The following SHROOM3 variants were observed in gnomAD, a reference collection of about 807,000 sequenced individuals.
The protein encoded by SHROOM3 is protein Shroom3.
In SHROOM3, 47 loss-of-function variants were observed where a neutral mutation model predicts 138.6. The ratio of observed to expected loss-of-function variants is 0.34; its 90% CI spans 0.27 to 0.43. SHROOM3 has a LOEUF of 0.43. SHROOM3 is among the 20% of genes least tolerant of loss of function. The pLI is 1.00. For missense variants in SHROOM3, 2,491 were observed against 2,596.5 expected (o/e 0.96, Z 0.88); for synonymous variants, 1,062 against 1,063.3 (o/e 1.00, Z 0.02).
chr4:76,709,986 T>C (rs1274102262), intron 2 of SHROOM3, 170 bp from the exon 3 acceptor site: 10 of 718,084 alleles, frequency 1.4e-5, no homozygotes, highest in Non-Finnish European at 2.4e-5. Flanking sequence ...TTCGCCTTCG[T>C]AGGGCAGAGA....
At chr4:76,436,288 A>T in intron 1 of SHROOM3, 68 bp downstream of exon 1, 1 of 1,548,840 alleles carries the variant, frequency 6.5e-7, no homozygotes, top group African/African-American at 1.4e-5. Context: ...TTTGTCAAAA[A>T]TGCAAAATAA....
intron 6 of SHROOM3, among the ~76,000 whole-genome samples, chr4:76,752,681 A>G (rs1721671174): frequency 6.6e-6 from 1 of 152,204 alleles, no homozygotes; most frequent in South Asian, 2.1e-4. Context: ...AGCATTCTCA[A>G]CCAAGCTAAG....
At chr4:76,571,834 C>A (rs1733838129) in intron 2 of SHROOM3, among the ~76,000 whole-genome samples, 1 of 152,194 alleles carries the variant, frequency 6.6e-6, no homozygotes, top group African/African-American at 2.4e-5. Context: ...TGTTAGGATT[C>A]TGTACTAGTC....
At chr4:76,569,937 G>C (rs1733802375) in intron 2 of SHROOM3, among the ~76,000 whole-genome samples, 1 of 152,070 alleles carries the variant, frequency 6.6e-6, no homozygotes. Context: ...TGCCTCATTG[G>C]CCCATGTAAG....
chr4:76,446,061 T>C (rs1284590570), intron 1 of SHROOM3, among the ~76,000 whole-genome samples: 1 of 152,168 alleles, frequency 6.6e-6, no homozygotes, highest in Non-Finnish European at 1.5e-5. Context: ...CCTGGGTTGC[T>C]TTTATCACCG....
chr4:76,602,246 A>G (rs1451800660), intron 2 of SHROOM3, among the ~76,000 whole-genome samples: 1 of 152,208 alleles, frequency 6.6e-6, no homozygotes, highest in East Asian at 1.9e-4. Flanking sequence ...CTCCTAATAC[A>G]AAGAAAACTC....
chr4:76,676,306 T>C (rs1390687240), intron 2 of SHROOM3, among the ~76,000 whole-genome samples: 1 of 152,220 alleles, frequency 6.6e-6, no homozygotes, highest in Non-Finnish European at 1.5e-5. Flanking sequence ...ATGTGTCTAG[T>C]GTTTTAGGAA....
chr4:76,629,356 G>T (rs1044433315), intron 2 of SHROOM3, among the ~76,000 whole-genome samples: 4 of 152,204 alleles, frequency 2.6e-5, no homozygotes, highest in African/African-American at 9.7e-5. Context: ...TACCAGATCA[G>T]GTCAAAGAGG....
Position 76,740,923 on chromosome 4 carries a change from A to T in SHROOM3, c.2750A>T (p.Asp917Val). 1 of 1,499,488 alleles carries T rather than the reference A, an allele frequency of 6.7e-7. No individual in the cohort carries two copies. The highest frequency in any genetic ancestry group is 2.4e-5 in the East Asian group (1 of 41,966). The allele number at this position is 1,499,488 out of a possible 1,614,324, so 92.9% of individuals were successfully genotyped here. ...RPGSPESPLLDAPFSRAYRNS... is the reference protein window; with the variant it reads ...RPGSPESPLLVAPFSRAYRNS... ...GGCTCGCCCGAATCGCCCCTGCTGG[A>T]TGCCCCCTTCAGCCGCGCCTACCGG... Residue 917 changes from aspartate (D) to valine (V), a missense_variant, in exon 5 of 11, where the codon GAT (aspartate) becomes GTT (valine). Coordinates refer to ENST00000296043, the MANE Select transcript of SHROOM3 (RefSeq NM_020859.4). The surrounding 1 kb of genome is among the most constrained non-coding windows in gnomAD (Gnocchi z 4.0).
intron 1 of SHROOM3, among the ~76,000 whole-genome samples, chr4:76,503,126 T>C (rs1391725301): frequency 6.6e-6 from 1 of 151,858 alleles, no homozygotes; most frequent in Admixed American, 6.6e-5. Flanking sequence ...TTCTTGGTCC[T>C]TTGCATTTTC....
chr4:76,615,071 G>T (rs1043752200), intron 2 of SHROOM3, among the ~76,000 whole-genome samples: 1 of 152,236 alleles, frequency 6.6e-6, no homozygotes. Flanking sequence ...AGCTAGCTGA[G>T]AATGGGAGTG....
chr4:76,731,642 G>A (rs1420495907), intron 4 of SHROOM3, among the ~76,000 whole-genome samples: 4 of 152,030 alleles, frequency 2.6e-5, no homozygotes, highest in Non-Finnish European at 5.9e-5. Context: ...TTAGCCAGGT[G>A]TGGTGGCATG....
chr4:76,471,843 G>A (rs891744469), intron 1 of SHROOM3, among the ~76,000 whole-genome samples: 3 of 152,142 alleles, frequency 2.0e-5, no homozygotes, highest in African/African-American at 7.2e-5. Flanking sequence ...TGTAAGAGCA[G>A]CTCTCAGTTC....
chr4:76,757,965 A>G (rs558654475), intron 8 of SHROOM3: 1 of 152,324 alleles, frequency 6.6e-6, no homozygotes, highest in South Asian at 2.1e-4. Context: ...AAAATTTCCA[A>G]CTGATCCTAA....
At chr4:76,763,334 C>T (rs563368621) in intron 9 of SHROOM3, among the ~76,000 whole-genome samples, 1 of 152,038 alleles carries the variant, frequency 6.6e-6, no homozygotes, top group East Asian at 1.9e-4. Context: ...TTGCAGTGAG[C>T]TGAGATCGTG....
At position 76,782,195 on chromosome 4, in the gene SHROOM3, G is replaced by A. The variant is rs892981548; in HGVS notation, c.*3018G>A. ...AATGAAGGGAGGATCCACAGTGAAA[G>A]TGCCTGAGTTTCTCTATGAGACCAG... On this transcript the variant is annotated 3_prime_UTR_variant, in exon 11 of 11. Coordinates refer to ENST00000296043, the MANE Select transcript of SHROOM3 (RefSeq NM_020859.4). 6.6e-6 allele frequency: 1 copy of A among 152,206 alleles called. No homozygotes were observed. Among genetic ancestry groups the A allele is most frequent in the Non-Finnish European group, 1.5e-5 (1 of 68,040 alleles). The allele number at this position is 152,206 out of a possible 1,614,324, so 9.4% of individuals were successfully genotyped here.
chr4:76,435,840 A>G lies in SHROOM3; in HGVS notation c.-213A>G. 1 of 535,560 alleles carries G rather than the reference A, an allele frequency of 1.9e-6. No individual in the cohort carries two copies. Among genetic ancestry groups the G allele is most frequent in the Admixed American group, 3.4e-5 (1 of 29,638 alleles). The allele number at this position is 535,560 out of a possible 1,614,324, so 33.2% of individuals were successfully genotyped here. A position where few individuals can be genotyped will look rare whatever the true frequency, so the allele number is the denominator to read the frequency against. ...CCAGAATTCCTGGAGGAGGATTTAC[A>G]TTCAGAAATGTTGAAGTGAAAATTC... On this transcript the variant is annotated 5_prime_UTR_variant, in exon 1 of 11. Coordinates refer to ENST00000296043, the MANE Select transcript of SHROOM3 (RefSeq NM_020859.4).
intron 1 of SHROOM3, among the ~76,000 whole-genome samples, chr4:76,524,797 C>T (rs1411147668): frequency 6.6e-6 from 1 of 152,154 alleles, no homozygotes; most frequent in African/African-American, 2.4e-5. Flanking sequence ...TCATGCCATT[C>T]CATTTAACTG....
intron 1 of SHROOM3, among the ~76,000 whole-genome samples, chr4:76,526,717 C>CCACTG (rs1467938157): frequency 6.6e-6 from 1 of 152,180 alleles, no homozygotes; most frequent in Non-Finnish European, 1.5e-5. Flanking sequence ...AGTGTCCTGT[C>CCACTG]CACTGGCTTG....
Sources: allele counts gnomAD v4.1 joint callset (sites outside exome capture counted in the v4.1 genomes callset), GRCh38; gene constraint gnomAD v4.1.1; non-coding constraint Gnocchi (gnomAD v3.1); transcripts MANE v1.5; gene names NCBI Gene and HGNC (gene_info 2026-07-23, HGNC 2026-07-21).